The following TWF2 variants were observed in gnomAD, a reference collection of about 807,000 sequenced individuals.
The protein encoded by TWF2 is twinfilin actin binding protein 2, also known as twinfilin-2.
Under a neutral mutation model 45.1 loss-of-function variants are expected in TWF2, and 15 were observed. That is an observed-to-expected ratio of 0.33 (90% CI 0.22 to 0.51). The LOEUF (loss-of-function observed/expected upper bound fraction) is 0.51, where lower values mean the gene tolerates loss of function less well. TWF2 is among the 20% of genes least tolerant of loss of function. The probability of loss-of-function intolerance (pLI) is 0.97; values close to 1 mark genes in which losing one functional copy is unlikely to be tolerated. For missense variants in TWF2, 423 were observed against 469.1 expected (o/e 0.90, Z 0.91); for synonymous variants, 177 against 195.8 (o/e 0.90, Z 0.80).
In TWF2 at chr3:52,231,368, T is replaced by C; in HGVS notation, c.378+76A>G. ...CTTCCTCCCGAAGCTGGCACTAGCT[T>C]GCTCTCTGACCCTGCACAGTGACCC... On this transcript the variant is annotated intron_variant, in intron 4 of 8. Coordinates refer to ENST00000305533, the MANE Select transcript of TWF2 (RefSeq NM_007284.4). The C allele has an allele frequency of 4.4e-6, 7 of 1,585,798 alleles. 1 individual carries two copies. In the South Asian group the frequency reaches 7.9e-5, roughly 18 times the overall value.
At chr3:52,236,963 C>A (rs1314211357) in intron 1 of TWF2, among the ~76,000 whole-genome samples, 1 of 152,148 alleles carries the variant, frequency 6.6e-6, no homozygotes, top group Non-Finnish European at 1.5e-5. Context: ...GAAATAATAG[C>A]CCCAAACTTG....
chr3:52,230,810 G>C, intron 6 of TWF2, 60 bp downstream of exon 6: 1 of 1,574,820 alleles, frequency 6.3e-7, no homozygotes, highest in South Asian at 1.2e-5. Context: ...ATCTGCACAT[G>C]TGCATGGGCA....
At chr3:52,232,954 G>A (rs1234780822) in intron 2 of TWF2, among the ~76,000 whole-genome samples, 1 of 152,192 alleles carries the variant, frequency 6.6e-6, no homozygotes, top group African/African-American at 2.4e-5. Flanking sequence ...AGGTTGTGGT[G>A]AGCAGGAGAT....
Position 52,239,003 on chromosome 3 carries a change from G to A in TWF2, c.14C>T (p.Thr5Met), listed in dbSNP as rs771261176. The A allele has an allele frequency of 5.6e-6, 9 of 1,595,446 alleles. No homozygotes were observed. The highest frequency in any genetic ancestry group is 1.1e-5 in the South Asian group (1 of 90,798). MAHQ[T>M]GIHATEELKE... ...CCATCCGCCCTCACCGTGGATGCCC[G>A]TTTGGTGCGCCATGGCTCGGCGCTT... Residue 5 changes from threonine (T) to methionine (M), a missense_variant, in exon 1 of 9, where the codon ACG becomes ATG. By Grantham distance (81) the Thr-to-Met change is moderately conservative. Transcript: ENST00000305533.
chr3:52,230,228 T>C lies in TWF2; in HGVS notation c.610-158A>G, dbSNP rs1029873327. ...TGCAATGGCCATCCCTCTATGGGGGTCCCTCTGAAGAGGCCAGTCCTGGGC... is the reference window on the plus strand; with the variant it reads ...TGCAATGGCCATCCCTCTATGGGGGCCCCTCTGAAGAGGCCAGTCCTGGGC... On this transcript the variant is annotated intron_variant, in intron 6 of 8. Transcript: ENST00000305533. Among the ~76,000 whole-genome samples, 3 of 152,120 alleles carry C rather than the reference T, an allele frequency of 2.0e-5. No homozygotes were observed. In the East Asian group the frequency reaches 5.8e-4, roughly 29 times the overall value.
intron 1 of TWF2, among the ~76,000 whole-genome samples, chr3:52,237,533 C>G (rs559510495): frequency 6.6e-6 from 1 of 152,138 alleles, no homozygotes; most frequent in East Asian, 1.9e-4. Context: ...GCCTGTCTCA[C>G]TATGGGAAAG....
rs910372043 is a variant in TWF2 at position 52,228,971 on chromosome 3, G to A, written c.*63C>T. The A allele has an allele frequency of 6.4e-7, 1 of 1,560,956 alleles. No homozygotes were observed. Among genetic ancestry groups the A allele is most frequent in the Non-Finnish European group, 8.7e-7 (1 of 1,151,804 alleles). On this transcript the variant is annotated 3_prime_UTR_variant, in exon 9 of 9. Transcript: ENST00000305533. ...TTCCTGGAGCCCAGGAAGGAGGATG[G>A]TGGCAGGGAGCGGAAGGTGGGCAGC...
Position 52,236,194 on chromosome 3 carries a change from G to A in TWF2, c.26-1088C>T, listed in dbSNP as rs563900136. ...CACGCACCTGTAATCCCAGCTACTC[G>A]GGAGGCTGAGGCAGGAAAATCGCTT... On this transcript the variant is annotated intron_variant, in intron 1 of 8. Transcript: ENST00000305533. Among the ~76,000 whole-genome samples, 93 of 152,096 alleles carry A rather than the reference G, an allele frequency of 6.1e-4. No homozygotes were observed. The Middle Eastern group carries it at 0.01, about 17-fold the overall frequency.
intron 2 of TWF2, among the ~76,000 whole-genome samples, chr3:52,233,689 G>A (rs1355648361): frequency 6.6e-6 from 1 of 152,172 alleles, no homozygotes; most frequent in Non-Finnish European, 1.5e-5. Flanking sequence ...AGCACTTTGG[G>A]AGGCCGAGGT....
chr3:52,229,292 C>T (rs1699655882), intron 8 of TWF2, 91 bp from the exon 9 acceptor site: 1 of 1,520,228 alleles, frequency 6.6e-7, no homozygotes, highest in Non-Finnish European at 8.8e-7. Flanking sequence ...ACCCCTTACT[C>T]TCACATCCTA....
chr3:52,230,028 C>G lies in TWF2; in HGVS notation c.652G>C (p.Glu218Gln). Residue 218 changes from glutamate (E) to glutamine (Q), a missense_variant, in exon 7 of 9, where the codon GAG (glutamate) becomes CAG (glutamine). By Grantham distance (29) the Glu-to-Gln change is conservative. Coordinates refer to ENST00000305533, the MANE Select transcript of TWF2 (RefSeq NM_007284.4). ...ERETIELVHT[E>Q]PTDVAQLPSR... is the part of the protein sequence containing the mutation. ...GGCAGCTGGGCCACATCCGTGGGCT[C>G]TGTGTGCACCAGCTCAATGGTTTCC... 1.2e-6 allele frequency: 2 copies of G among 1,609,266 alleles called. No individual in the cohort carries two copies. The highest frequency in any genetic ancestry group is 8.5e-7 in the Non-Finnish European group (1 of 1,179,100).
At position 52,232,084 on chromosome 3, in the gene TWF2, G is replaced by C. The variant is rs757765559; in HGVS notation, c.142C>G (p.Arg48Gly). The C allele has an allele frequency of 1.2e-6, 2 of 1,612,046 alleles. No individual in the cohort carries two copies. Among genetic ancestry groups the C allele is most frequent in the Non-Finnish European group, 1.7e-6 (2 of 1,179,098 alleles). Residue 48 changes from arginine to glycine, a missense_variant, in exon 3 of 9, where the codon CGC becomes GGC. Arg to Gly is a moderately radical substitution (Grantham distance 125, BLOSUM62 -2). Transcript: ENST00000305533. ...GCCCTGTCATAGTCCTGATCCCAGCGGCCTACTGGCTCCTGCGAGGCACCC... is the reference window on the plus strand; with the variant it reads ...GCCCTGTCATAGTCCTGATCCCAGCCGCCTACTGGCTCCTGCGAGGCACCC... ...VLGASQEPVG[R>G]WDQDYDRAVL...
intron 2 of TWF2, among the ~76,000 whole-genome samples, chr3:52,233,011 C>CA (rs1163546198): frequency 6.6e-6 from 1 of 152,000 alleles, no homozygotes; most frequent in Non-Finnish European, 1.5e-5. Flanking sequence ...AACTCCGTCT[C>CA]AAAAAAAGAA....
In TWF2 at chr3:52,231,177, C is replaced by A. The variant is rs1335993865; in HGVS notation, c.433G>T (p.Ala145Ser). 6.2e-7 allele frequency: 1 copy of A among 1,613,954 alleles called. No individual in the cohort carries two copies. The highest frequency in any genetic ancestry group is 8.5e-7 in the Non-Finnish European group (1 of 1,179,984). ...TCTCTCTCAGCCGAGGTCAGCGGGG[C>A]AGGTGCCGCACAGGACGACAGGTGT... is the stretch of plus-strand genomic sequence containing the variant. ...QKHLSSCAAP[A>S]PLTSAERELQ... is the part of the protein sequence containing the mutation. The change falls in exon 5 of 9, where the codon GCC becomes TCC. Residue 145 changes from alanine to serine, a missense_variant. Physicochemically the swap from Ala to Ser is moderately conservative, Grantham distance 99. Coordinates refer to ENST00000305533, the MANE Select transcript of TWF2 (RefSeq NM_007284.4).
rs375469647 is a variant in TWF2 at position 52,235,070 on chromosome 3, C to T, written c.62G>A (p.Arg21Gln). 68 of 1,613,942 alleles carry T rather than the reference C, an allele frequency of 4.2e-5. No individual in the cohort carries two copies. Among genetic ancestry groups the T allele is most frequent in the Admixed American group, 1.8e-4 (11 of 60,036 alleles). ...CTTGATGAGCCGCACAGAGCCAGCC[C>T]GTGCCTTGGCAAAGAATTCCTTCAG... ...EELKEFFAKA[R>Q]AGSVRLIKVV... is the part of the protein sequence containing the mutation. The change falls in exon 2 of 9, where the codon CGG becomes CAG. Residue 21 changes from arginine (R) to glutamine (Q), a missense_variant. Arg to Gln is a conservative substitution (Grantham distance 43, BLOSUM62 1). Coordinates refer to ENST00000305533, the MANE Select transcript of TWF2 (RefSeq NM_007284.4).
intron 2 of TWF2, 93 bp downstream of exon 2, chr3:52,234,936 G>A (rs978521718): frequency 4.0e-5 from 58 of 1,443,508 alleles, no homozygotes; most frequent in Non-Finnish European, 4.9e-5. Flanking sequence ...TTGAGGTCCC[G>A]GCAGGCCAGG....
intron 1 of TWF2, among the ~76,000 whole-genome samples, chr3:52,236,266 ACT>A (rs1462254464): frequency 1.3e-5 from 2 of 148,732 alleles, no homozygotes; most frequent in Non-Finnish European, 3.0e-5. Context: ...ACACCATTGC[ACT>A]CCAGCCTGGG....
At chr3:52,238,877 G>A in intron 1 of TWF2, 115 bp downstream of exon 1, 1 of 1,360,964 alleles carries the variant, frequency 7.3e-7, no homozygotes, top group South Asian at 1.4e-5. Flanking sequence ...CTGCAAAAGA[G>A]AACAGGAAGC....
intron 3 of TWF2, 29 bp downstream of exon 3, chr3:52,231,915 T>A (rs768361391): frequency 6.3e-7 from 1 of 1,599,586 alleles, no homozygotes; most frequent in South Asian, 1.1e-5. Flanking sequence ...CCAGCTCCCC[T>A]CCTCACTTCC....
Sources: gnomAD v4.1 joint callset for allele counts (sites outside exome capture counted in the v4.1 genomes callset) on GRCh38, gnomAD v4.1.1 for gene constraint, MANE v1.5 for transcripts, NCBI Gene and HGNC (gene_info 2026-07-23, HGNC 2026-07-21) for gene names.